Variants in FAM13A observed in about 807,000 individuals in gnomAD.
The protein encoded by FAM13A is family with sequence similarity 13 member A, also known as protein FAM13A.
Under a neutral mutation model 129.6 loss-of-function variants are expected in FAM13A, and 76 were observed. The observed-to-expected ratio is 0.59, with a 90% CI of 0.49 to 0.71. The LOEUF (loss-of-function observed/expected upper bound fraction) is 0.71. Among genes scored for constraint, FAM13A ranks in the 30% least tolerant of loss-of-function variants. FAM13A has a pLI of 0.00. For synonymous variants in FAM13A, 443 were observed against 449.9 expected (o/e 0.98, Z 0.20); for missense variants, 1,108 against 1,249.3 (o/e 0.89, Z 1.70).
At chr4:88,989,988 A>G (rs1022479427) in intron 4 of FAM13A, 1 of 152,328 alleles carries the variant, frequency 6.6e-6, no homozygotes, top group Middle Eastern at 3.4e-3. Context: ...GAGCTTCTGA[A>G]TAAGACAAAA....
In FAM13A at chr4:88,918,606, G is replaced by A. The variant is rs142753577; in HGVS notation, c.760-12144C>T. 7.9e-5 allele frequency among the ~76,000 whole-genome samples: 12 copies of A among 152,306 alleles called. No individual in the cohort carries two copies. The East Asian group carries it at 1.2e-3, about 15-fold the overall frequency. On this transcript the variant is annotated intron_variant, in intron 5 of 23. Transcript: ENST00000264344. ...CCAAAGTAAACTAAAGCAGGGAATC[G>A]TAACAAATAATCTTTTGTGTACAGT... is the stretch of plus-strand genomic sequence containing the variant.
intron 19 of FAM13A, among the ~76,000 whole-genome samples, chr4:88,741,708 A>G (rs1740299469): frequency 6.6e-6 from 1 of 152,212 alleles, no homozygotes; most frequent in African/African-American, 2.4e-5. Context: ...GTGATGCCAA[A>G]AGGAAACGTT....
chr4:88,741,838 A>G (rs1444373951), intron 19 of FAM13A, among the ~76,000 whole-genome samples: 6 of 152,236 alleles, frequency 3.9e-5, no homozygotes, highest in African/African-American at 1.4e-4. Context: ...AGCATTTCGT[A>G]TAAGGGATAC....
At chr4:88,900,959 G>C (rs912727362) in intron 6 of FAM13A, among the ~76,000 whole-genome samples, 3 of 151,964 alleles carry the variant, frequency 2.0e-5, no homozygotes, top group Admixed American at 6.6e-5. Context: ...AAATTTCCAA[G>C]CAAATGGAAA....
chr4:89,027,064 G>C (rs1426276505), intron 2 of FAM13A, among the ~76,000 whole-genome samples: 2 of 152,154 alleles, frequency 1.3e-5, no homozygotes, highest in African/African-American at 2.4e-5. Flanking sequence ...ACCGGCAGGG[G>C]ATATGTTCCA....
intron 3 of FAM13A, among the ~76,000 whole-genome samples, chr4:89,016,264 A>G (rs1473938094): frequency 1.3e-5 from 2 of 152,004 alleles, no homozygotes; most frequent in African/African-American, 2.4e-5. Context: ...TATTAAAATT[A>G]TATGATGAAA....
At chr4:88,912,964 G>A (rs554333302) in intron 5 of FAM13A, among the ~76,000 whole-genome samples, 10 of 152,030 alleles carry the variant, frequency 6.6e-5, no homozygotes, top group African/African-American at 2.4e-4. Flanking sequence ...CAGGGTGACA[G>A]AGCAAGACAG....
At chr4:88,867,801 A>G (rs1322792259) in intron 6 of FAM13A, among the ~76,000 whole-genome samples, 1 of 152,258 alleles carries the variant, frequency 6.6e-6, no homozygotes, top group Non-Finnish European at 1.5e-5. Context: ...ATATAAAAAC[A>G]TTTAGGGAAA....
chr4:88,912,337 C>G (rs140459557), intron 5 of FAM13A, among the ~76,000 whole-genome samples: 1 of 151,392 alleles, frequency 6.6e-6, no homozygotes, highest in Non-Finnish European at 1.5e-5. Context: ...AGCTGGGGCA[C>G]CCATCTTCCC....
At position 88,750,655 on chromosome 4, in the gene FAM13A, T is replaced by C. The variant is rs769321454; in HGVS notation, c.1727-18A>G. The C allele has an allele frequency of 3.2e-6, 5 of 1,552,898 alleles. No individual in the cohort carries two copies. Among genetic ancestry groups the C allele is most frequent in the Non-Finnish European group, 3.5e-6 (4 of 1,153,442 alleles). Reference sequence around the variant, plus strand: ...GATAGGCTCTGGAAGATAAGGGCAGTAAGATCAGGACTGTTCCTGAAAGAG... The same window carrying C: ...GATAGGCTCTGGAAGATAAGGGCAGCAAGATCAGGACTGTTCCTGAAAGAG... On this transcript the variant is annotated intron_variant, in intron 14 of 23. Coordinates refer to ENST00000264344, the MANE Select transcript of FAM13A (RefSeq NM_014883.4).
At chr4:88,983,188 C>G (rs2148992963) in intron 4 of FAM13A, among the ~76,000 whole-genome samples, 1 of 152,128 alleles carries the variant, frequency 6.6e-6, no homozygotes, top group East Asian at 1.9e-4. Context: ...TGCTTGAAAA[C>G]TTAGTCTCAG....
At chr4:89,018,889 C>A (rs1310077179) in intron 3 of FAM13A, among the ~76,000 whole-genome samples, 1 of 152,212 alleles carries the variant, frequency 6.6e-6, no homozygotes, top group East Asian at 1.9e-4. Context: ...TTGTGACTGA[C>A]CTCCATTTCA....
intron 9 of FAM13A, among the ~76,000 whole-genome samples, chr4:88,790,368 A>G (rs1190755906): frequency 6.6e-6 from 1 of 152,106 alleles, no homozygotes; most frequent in Non-Finnish European, 1.5e-5. Flanking sequence ...ATATTTTCCA[A>G]TGTTGGAGTT....
At position 88,781,114 on chromosome 4, in the gene FAM13A, A is replaced by C. The variant is rs1722759791; in HGVS notation, c.1458+51T>G. The C allele has an allele frequency of 7.2e-6, 9 of 1,243,486 alleles. No individual in the cohort carries two copies. In the South Asian group the frequency reaches 8.6e-5, roughly 12 times the overall value. The allele number at this position is 1,243,486 out of a possible 1,614,324, so 77.0% of individuals were successfully genotyped here. A position where few individuals can be genotyped will look rare whatever the true frequency, so the allele number is the denominator to read the frequency against. ...TTAATTTTTTTACAAAGCAAAGAAA[A>C]GAGATGTAATATTTCCTAACAAGTA... On this transcript the variant is annotated intron_variant, in intron 11 of 23. Transcript: ENST00000264344.
Position 88,732,013 on chromosome 4 carries a change from A to C in FAM13A, c.2832T>G (p.His944Gln), listed in dbSNP as rs1438419847. The C allele has an allele frequency of 6.2e-7, 1 of 1,611,300 alleles. No homozygotes were observed. The highest frequency in any genetic ancestry group is 8.5e-7 in the Non-Finnish European group (1 of 1,178,752). The change falls in exon 22 of 24, where the codon CAT becomes CAG. Residue 944 changes from histidine to glutamine, a missense_variant. His to Gln is a conservative substitution (Grantham distance 24). Transcript: ENST00000264344. ...CSQDTGLSNL[H>Q]AASIPELLEH... ...CCAAAATGACATACATTGAGGCAGC[A>C]TGGAGATTTGAAAGCCCTGTGTCCT...
chr4:88,731,252 T>G, intron 23 of FAM13A, 75 bp downstream of exon 23: 1 of 760,712 alleles, frequency 1.3e-6, no homozygotes. Flanking sequence ...TCCACAGATC[T>G]GACAGAAAAA....
rs1042440967 is a variant in FAM13A at position 88,847,291 on chromosome 4, T to C, written c.1007+3729A>G. On this transcript the variant is annotated intron_variant, in intron 7 of 23. Coordinates refer to ENST00000264344, the MANE Select transcript of FAM13A (RefSeq NM_014883.4). ...CCAGCACTTTGAGAGGCCAAGGTGGTTAGATTGGTGGATCGCTTGAGCTCA... is the reference window on the plus strand; with the variant it reads ...CCAGCACTTTGAGAGGCCAAGGTGGCTAGATTGGTGGATCGCTTGAGCTCA... 2.0e-5 allele frequency among the ~76,000 whole-genome samples: 3 copies of C among 150,336 alleles called. No individual in the cohort carries two copies. In the South Asian group the frequency reaches 6.4e-4, roughly 32 times the overall value.
At chr4:88,933,837 C>T (rs755704679) in intron 5 of FAM13A, among the ~76,000 whole-genome samples, 1 of 152,120 alleles carries the variant, frequency 6.6e-6, no homozygotes, top group Non-Finnish European at 1.5e-5. Context: ...ATACAGAAGT[C>T]ACAACGTAGC....
intron 7 of FAM13A, among the ~76,000 whole-genome samples, chr4:88,834,466 C>CAATAAA (rs1267795919): frequency 2.6e-5 from 4 of 152,014 alleles, no homozygotes; most frequent in Non-Finnish European, 5.9e-5. Flanking sequence ...CCCAAAAAAG[C>CAATAAA]ACTGAAATTA....
Sources: gnomAD v4.1 joint callset for allele counts (sites outside exome capture counted in the v4.1 genomes callset) on GRCh38, gnomAD v4.1.1 for gene constraint, MANE v1.5 for transcripts, NCBI Gene and HGNC (gene_info 2026-07-23, HGNC 2026-07-21) for gene names.